Variants in DGKK observed in about 807,000 individuals in gnomAD.
DGKK encodes the protein diacylglycerol kinase kappa.
A neutral mutation model predicts 92.2 loss-of-function variants in DGKK; 35 were observed. The ratio of observed to expected loss-of-function variants is 0.38; its 90% confidence interval spans 0.29 to 0.50. The LOEUF is 0.50. DGKK is among the 20% of genes least tolerant of loss of function. The probability of loss-of-function intolerance (pLI) is 0.92; values close to 1 mark genes in which losing one functional copy is unlikely to be tolerated. For missense variants in DGKK, 910 were observed against 992.2 expected, an observed-to-expected ratio of 0.92 and a Z score of 1.11; for synonymous variants, 368 against 360.6, an observed-to-expected ratio of 1.02 and a Z score of -0.23.
chrX:50,402,244 C>CA (rs1385162864), intron 7 of DGKK, among the ~76,000 whole-genome samples: 1 of 110,278 alleles, frequency 9.1e-6, no homozygotes, highest in East Asian at 2.9e-4. Flanking sequence ...TCCGTCTCTA[C>CA]AAAAAAATTA....
intron 1 of DGKK, among the ~76,000 whole-genome samples, chrX:50,436,122 A>G (rs1272917613): frequency 8.9e-6 from 1 of 112,082 alleles, no homozygotes; most frequent in Non-Finnish European, 1.9e-5. Flanking sequence ...GTTCCACAGA[A>G]ATTACTGGCC....
chrX:50,379,266 A>G (rs1325276934), intron 20 of DGKK, among the ~76,000 whole-genome samples: 1 of 101,986 alleles, frequency 9.8e-6, no homozygotes, highest in Non-Finnish European at 2.0e-5. Flanking sequence ...GGTTGCAGTG[A>G]GCTGAGATCT....
intron 25 of DGKK, 69 bp from the exon 26 acceptor site, chrX:50,371,903 C>G (rs1276389465): frequency 3.0e-6 from 2 of 670,620 alleles, no homozygotes; most frequent in Admixed American, 2.9e-5. Flanking sequence ...CACTCTCCCC[C>G]ACTCCCAGTC....
At chrX:50,417,644 C>T (rs952966782) in intron 4 of DGKK, among the ~76,000 whole-genome samples, 8 of 110,944 alleles carry the variant, frequency 7.2e-5, no homozygotes, top group African/African-American at 2.3e-4. Context: ...TTCTCCCCCA[C>T]CCCTAACTCA....
At chrX:50,411,115 T>G (rs1452979001) in intron 4 of DGKK, among the ~76,000 whole-genome samples, 2 of 111,082 alleles carry the variant, frequency 1.8e-5, no homozygotes, top group Non-Finnish European at 3.8e-5. Context: ...GTGCTCTGAT[T>G]AACTCTTCCC....
intron 1 of DGKK, among the ~76,000 whole-genome samples, chrX:50,425,055 A>C (rs1925698160): frequency 8.9e-6 from 1 of 112,055 alleles, no homozygotes; most frequent in Non-Finnish European, 1.9e-5. Flanking sequence ...ATCATTGAGG[A>C]AGTTCTCACT....
At position 50,463,051 on chromosome X, in the gene DGKK, T is replaced by G. The variant is rs183050380; in HGVS notation, c.645+6983A>C. 1.5e-3 allele frequency among the ~76,000 whole-genome samples: 158 copies of G among 105,365 alleles called. 1 individual carries two copies. The highest frequency in any genetic ancestry group is 5.0e-3 in the African/African-American group (146 of 29,166). The allele number at this position is 105,365 out of a possible 115,157, so 91.5% of individuals were successfully genotyped here. On this transcript the variant is annotated intron_variant, in intron 1 of 27. Coordinates refer to ENST00000611977, the MANE Select transcript of DGKK (RefSeq NM_001013742.4). ...AGAAAGAGATTTTGTGTGTGTGTGGTTTTTTTTTCCTTATTGTGGGGGATG... is the reference window on the plus strand; with the variant it reads ...AGAAAGAGATTTTGTGTGTGTGTGGGTTTTTTTTCCTTATTGTGGGGGATG...
At chrX:50,458,065 C>G (rs1032690652) in intron 1 of DGKK, among the ~76,000 whole-genome samples, 2 of 110,546 alleles carry the variant, frequency 1.8e-5, no homozygotes, top group African/African-American at 3.3e-5. Context: ...CTTTTTGGTC[C>G]CATGTGCTCC....
intron 1 of DGKK, among the ~76,000 whole-genome samples, chrX:50,467,866 C>T (rs1156661724): frequency 7.1e-5 from 8 of 112,560 alleles, no homozygotes; most frequent in Non-Finnish European, 1.5e-4. Flanking sequence ...AATTTGAGCA[C>T]GTACCTAGAT....
At chrX:50,450,150 T>C (rs1926463175) in intron 1 of DGKK, among the ~76,000 whole-genome samples, 1 of 112,154 alleles carries the variant, frequency 8.9e-6, no homozygotes, top group Admixed American at 9.4e-5. Context: ...TTTGGCTCCA[T>C]ATGCAAAAAG....
At position 50,403,122 on chromosome X, in the gene DGKK, T is replaced by C; in HGVS notation, c.1247A>G (p.His416Arg). 2.5e-6 allele frequency: 3 copies of C among 1,209,019 alleles called. No individual in the cohort carries two copies. Among genetic ancestry groups the C allele is most frequent in the Non-Finnish European group, 3.4e-6 (3 of 894,051 alleles). The change falls in exon 7 of 28, where the codon CAT becomes CGT. Residue 416 changes from histidine to arginine, a missense_variant. Physicochemically the swap from His to Arg is conservative, Grantham distance 29 (BLOSUM62 0). Coordinates refer to ENST00000611977, the MANE Select transcript of DGKK (RefSeq NM_001013742.4). ...MPVSSQCAVC[H>R]ESCGSYQRLQ... ...TCTTTGATAACTGCCACAGCTCTCATGACACACTGCACACTGAGAGCTGAC... is the reference window on the plus strand; with the variant it reads ...TCTTTGATAACTGCCACAGCTCTCACGACACACTGCACACTGAGAGCTGAC...
intron 8 of DGKK, among the ~76,000 whole-genome samples, chrX:50,399,604 A>G (rs1243030921): frequency 1.1e-4 from 12 of 112,396 alleles, no homozygotes; most frequent in Non-Finnish European, 2.1e-4. Context: ...TCCTCCAGTA[A>G]GTGAAATTGA....
intron 6 of DGKK, 72 bp from the exon 7 acceptor site, chrX:50,403,255 T>C (rs1925057422): frequency 3.4e-5 from 38 of 1,108,452 alleles, no homozygotes; most frequent in Non-Finnish European, 4.3e-5. Flanking sequence ...ACTGGAATAA[T>C]TGTACTACTC....
At chrX:50,387,900 C>G (rs781797682) in intron 13 of DGKK, among the ~76,000 whole-genome samples, 2 of 112,226 alleles carry the variant, frequency 1.8e-5, no homozygotes, top group Non-Finnish European at 3.8e-5. Flanking sequence ...TAGAGCTTGA[C>G]CAGCATTTCT....
intron 1 of DGKK, among the ~76,000 whole-genome samples, chrX:50,448,718 T>A (rs1851070864): frequency 9.0e-6 from 1 of 111,194 alleles, no homozygotes; most frequent in South Asian, 3.8e-4. Context: ...TAGTGGTGAC[T>A]CAGAAGATCA....
chrX:50,461,970 G>A (rs1557233404), intron 1 of DGKK, among the ~76,000 whole-genome samples: 1 of 111,267 alleles, frequency 9.0e-6, no homozygotes, highest in African/African-American at 3.3e-5. Flanking sequence ...CTGAGTTGGC[G>A]AAGGGTCCTT....
rs374925022 is a variant in DGKK, at chrX:50,386,217, C to T, written c.2347+141G>A. 39 of 484,768 alleles carry T rather than the reference C, an allele frequency of 8.0e-5. 1 individual carries two copies. The highest frequency in any genetic ancestry group is 2.2e-4 in the African/African-American group (9 of 41,081). 40.0% of individuals were successfully genotyped at this position (484,768 alleles called of 1,213,427 possible). ...TTCAAATCAGTAGTCTGAATACTGA[C>T]TTTGTATACAATATGAATGCAGAAT... is the stretch of plus-strand genomic sequence containing the variant. On this transcript the variant is annotated intron_variant, in intron 15 of 27. Transcript: ENST00000611977.
At chrX:50,420,310 T>C (rs1557228988) in intron 4 of DGKK, 93 bp downstream of exon 4, 8 of 794,739 alleles carry the variant, frequency 1.0e-5, no homozygotes, top group Non-Finnish European at 1.5e-5. Flanking sequence ...TCTGCTTCCA[T>C]CTTATTATTT....
chrX:50,469,951 G>T, intron 1 of DGKK, 83 bp downstream of exon 1: 1 of 1,107,459 alleles, frequency 9.0e-7, no homozygotes, highest in East Asian at 3.1e-5. Context: ...CGGGATGCAA[G>T]GGGTACCCGG....
Sources: allele counts gnomAD v4.1 joint callset (sites outside exome capture counted in the v4.1 genomes callset), GRCh38; gene constraint gnomAD v4.1.1; transcripts MANE v1.5; gene names NCBI Gene and HGNC (gene_info 2026-07-23, HGNC 2026-07-21).